Variants in THOP1 observed in about 807,000 individuals in gnomAD.
The protein encoded by THOP1 is thimet oligopeptidase 1, also known as thimet oligopeptidase.
THOP1 carries 49 observed loss-of-function variants against 71.8 expected under a neutral mutation model. That is an observed-to-expected ratio of 0.68 (90% CI 0.54 to 0.87). The LOEUF is 0.87. THOP1 is among the 40% of genes least tolerant of loss of function. The pLI is 0.00. For synonymous variants in THOP1, 426 were observed against 421.5 expected (o/e 1.01, Z -0.13); for missense variants, 843 against 975.6 (o/e 0.86, Z 1.81).
Position 2,810,292 on chromosome 19 carries a change from C to G in THOP1, c.1456-12C>G, listed in dbSNP as rs1350130917. On this transcript the variant is annotated splice_polypyrimidine_tract_variant and intron_variant, in intron 9 of 12. Coordinates refer to ENST00000307741, the MANE Select transcript of THOP1 (RefSeq NM_003249.5). The stretch of plus-strand genomic sequence containing the variant: ...GACCTGGGCACTCTGAGGCTCTGCC[C>G]CATCCCTGCAGGCGGAGTTCGCCAT... The G allele has an allele frequency of 1.2e-5, 20 of 1,609,194 alleles. No individual in the cohort carries two copies. The highest frequency in any genetic ancestry group is 1.7e-5 in the Admixed American group (1 of 59,824).
chr19:2,793,052 G>A (rs1379166994), intron 2 of THOP1, among the ~76,000 whole-genome samples: 1 of 152,062 alleles, frequency 6.6e-6, no homozygotes, highest in Non-Finnish European at 1.5e-5. Context: ...GCGCATGCCT[G>A]TAATTTCAAC....
intron 9 of THOP1, 137 bp from the exon 10 acceptor site, chr19:2,810,167 T>C: frequency 7.8e-6 from 9 of 1,155,192 alleles, no homozygotes; most frequent in Non-Finnish European, 1.1e-5. Flanking sequence ...TTTTCCAGTT[T>C]TGGGGTGGGA....
intron 1 of THOP1, among the ~76,000 whole-genome samples, chr19:2,790,098 A>G (rs527845750): frequency 5.1e-4 from 77 of 152,166 alleles, no homozygotes; most frequent in African/African-American, 1.8e-3. Flanking sequence ...TTCCGGGCTG[A>G]TCGTTCTCTG....
At position 2,813,466 on chromosome 19, in the gene THOP1, A is replaced by G; in HGVS notation, c.*190A>G. On this transcript the variant is annotated 3_prime_UTR_variant, in exon 13 of 13. Transcript: ENST00000307741. ...CACCCGGCTAGAGACGGCGTCCTCA[A>G]GGCATCTGGAGGGCTTTCGTGGCTG... 3 of 662,770 alleles carry G rather than the reference A, an allele frequency of 4.5e-6. No individual in the cohort carries two copies. The highest frequency in any genetic ancestry group is 7.4e-6 in the Non-Finnish European group (3 of 408,072). 41.1% of individuals were successfully genotyped at this position (662,770 alleles called of 1,614,324 possible).
Position 2,810,499 on chromosome 19 carries a change from G to A in THOP1, c.1642+9G>A, listed in dbSNP as rs1228602361. 6.5e-6 allele frequency: 10 copies of A among 1,546,966 alleles called. No individual in the cohort carries two copies. Among genetic ancestry groups the A allele is most frequent in the African/African-American group, 2.7e-5 (2 of 73,366 alleles). ...CCGGCAGGCCAACACAGGTGCACCCGCCCCGTCCGGGGAAGGGTGCTAACC... is the reference window on the plus strand; with the variant it reads ...CCGGCAGGCCAACACAGGTGCACCCACCCCGTCCGGGGAAGGGTGCTAACC... On this transcript the variant is annotated intron_variant, in intron 10 of 12. Coordinates refer to ENST00000307741, the MANE Select transcript of THOP1 (RefSeq NM_003249.5).
rs893540541 is a variant in THOP1 at position 2,804,699 on chromosome 19, G to A, written c.590-317G>A. 3 of 249,966 alleles carry A rather than the reference G, an allele frequency of 1.2e-5. No individual in the cohort carries two copies. The highest frequency in any genetic ancestry group is 1.5e-5 in the Non-Finnish European group (2 of 131,414). 15.5% of individuals were successfully genotyped at this position (249,966 alleles called of 1,614,324 possible). A position where few individuals can be genotyped will look rare whatever the true frequency, so the allele number is the denominator to read the frequency against. Reference sequence around the variant, plus strand: ...GAAGCCCACGATGTCCGGGGGTTGGGCTGGATTTAGCTTTAACCTCTCTGG... The same window carrying A: ...GAAGCCCACGATGTCCGGGGGTTGGACTGGATTTAGCTTTAACCTCTCTGG... On this transcript the variant is annotated intron_variant, in intron 5 of 12. Transcript: ENST00000307741. The surrounding 1 kb of genome is among the most constrained non-coding windows in gnomAD (Gnocchi z 4.7).
At chr19:2,788,126 C>A (rs1305089859) in intron 1 of THOP1, among the ~76,000 whole-genome samples, 1 of 152,174 alleles carries the variant, frequency 6.6e-6, no homozygotes, top group African/African-American at 2.4e-5. Context: ...TGGTGGTATT[C>A]AGGATACAAG....
chr19:2,793,839 C>T (rs1364962731), intron 2 of THOP1, among the ~76,000 whole-genome samples: 1 of 152,084 alleles, frequency 6.6e-6, no homozygotes. Context: ...GGGCAGAGGC[C>T]ACATCTTGTC....
At position 2,807,552 on chromosome 19, in the gene THOP1, C is replaced by T. The variant is rs761601331; in HGVS notation, c.997C>T (p.Arg333Cys). The T allele has an allele frequency of 1.1e-5, 18 of 1,612,530 alleles. No homozygotes were observed. The highest frequency in any genetic ancestry group is 7.7e-5 in the South Asian group (7 of 91,082). Residue 333 changes from arginine to cysteine, a missense_variant, in exon 8 of 13, where the codon CGT becomes TGT. Transcript: ENST00000307741. ...RRGLPFDGRI[R>C]AWDMRYYMNQ... ...GGGCCTGCCCTTCGACGGCCGCATC[C>T]GTGCCTGGGACATGCGCTACTACAT...
intron 1 of THOP1, among the ~76,000 whole-genome samples, chr19:2,788,158 C>A (rs1915795132): frequency 6.6e-6 from 1 of 152,224 alleles, no homozygotes; most frequent in Non-Finnish European, 1.5e-5. Context: ...TCATACCTCA[C>A]TGAATTCTTA....
chr19:2,811,220 G>A (rs1001691771), intron 11 of THOP1, among the ~76,000 whole-genome samples: 3 of 152,222 alleles, frequency 2.0e-5, no homozygotes, highest in Non-Finnish European at 2.9e-5. Context: ...TTTAACATGG[G>A]TGGTGTTTTG....
chr19:2,805,361 T>C lies in THOP1; in HGVS notation c.750+185T>C, dbSNP rs1916265281. 6.6e-6 allele frequency among the ~76,000 whole-genome samples: 1 copy of C among 152,206 alleles called. No homozygotes were observed. Among genetic ancestry groups the C allele is most frequent in the African/African-American group, 2.4e-5 (1 of 41,452 alleles). On this transcript the variant is annotated intron_variant, in intron 6 of 12. Coordinates refer to ENST00000307741, the MANE Select transcript of THOP1 (RefSeq NM_003249.5). The surrounding 1 kb of genome is among the most constrained non-coding windows in gnomAD (Gnocchi z 6.6). ...TGCCGTGCCCTGGAGGTGTCTGTGC[T>C]GGGCTCCACCCAGACCCTGGGGCCA... is the stretch of plus-strand genomic sequence containing the variant.
At chr19:2,794,061 C>T (rs1915951254) in intron 2 of THOP1, among the ~76,000 whole-genome samples, 1 of 150,868 alleles carries the variant, frequency 6.6e-6, no homozygotes, top group South Asian at 2.1e-4. Context: ...GTCGCCCAGG[C>T]TGGAGTGCAG....
chr19:2,794,100 C>T (rs1052577353), intron 2 of THOP1, among the ~76,000 whole-genome samples: 3 of 151,898 alleles, frequency 2.0e-5, no homozygotes, highest in African/African-American at 7.3e-5. Context: ...CTGCAACCTC[C>T]ACCTCCCGGG....
At chr19:2,791,630 C>T (rs1317429661) in intron 2 of THOP1, among the ~76,000 whole-genome samples, 1 of 152,174 alleles carries the variant, frequency 6.6e-6, no homozygotes, top group Non-Finnish European at 1.5e-5. Flanking sequence ...CCTCCTCGGC[C>T]ACGTGGTGGC....
intron 2 of THOP1, among the ~76,000 whole-genome samples, chr19:2,791,543 T>C (rs2144759026): frequency 6.6e-6 from 1 of 152,292 alleles, no homozygotes; most frequent in East Asian, 1.9e-4. Context: ...CCGCAGCCCC[T>C]GATTGGAATC....
At chr19:2,812,077 C>T (rs909656338) in intron 12 of THOP1, 10 of 1,268,480 alleles carry the variant, frequency 7.9e-6, no homozygotes, top group Non-Finnish European at 9.5e-6. Context: ...CTGGGAGCTC[C>T]GTGTCTTCCC....
chr19:2,798,474 T>C (rs1003737320), intron 4 of THOP1, among the ~76,000 whole-genome samples: 4 of 152,048 alleles, frequency 2.6e-5, no homozygotes, highest in African/African-American at 7.2e-5. Flanking sequence ...GCGGAAAAGG[T>C]GCGAGGTCCG....
chr19:2,804,932 G>A lies in THOP1; in HGVS notation c.590-84G>A, dbSNP rs912128650. On this transcript the variant is annotated intron_variant, in intron 5 of 12. Transcript: ENST00000307741. The surrounding 1 kb of genome is among the most constrained non-coding windows in gnomAD (Gnocchi z 4.7). ...CCCTTGTAGCTTTCCAGGCAGAGGG[G>A]AAGCCCACCCCTTCCCTCACACGCT... The A allele has an allele frequency of 1.1e-5, 16 of 1,408,562 alleles. No homozygotes were observed. In the Admixed American group the frequency reaches 2.7e-4, roughly 24 times the overall value. The allele number at this position is 1,408,562 out of a possible 1,614,324, so 87.3% of individuals were successfully genotyped here.
Sources: gnomAD v4.1 joint callset for allele counts (sites outside exome capture counted in the v4.1 genomes callset) on GRCh38, gnomAD v4.1.1 for gene constraint, Gnocchi (gnomAD v3.1) non-coding constraint, MANE v1.5 for transcripts, NCBI Gene and HGNC (gene_info 2026-07-23, HGNC 2026-07-21) for gene names.